The following TMEM132D variants were observed in gnomAD, a reference collection of about 807,000 sequenced individuals.
TMEM132D encodes mature OL transmembrane protein.
A neutral mutation model predicts 62.3 loss-of-function variants in TMEM132D; 21 were observed. The ratio of observed to expected loss-of-function variants is 0.34; its 90% confidence interval spans 0.24 to 0.49. TMEM132D has a LOEUF of 0.49. Ranked by LOEUF, TMEM132D falls within the 20% of genes least tolerant of loss-of-function variation. TMEM132D has a pLI of 0.99. For missense variants in TMEM132D, 1,346 were observed against 1,402.8 expected, an observed-to-expected ratio of 0.96 and a Z score of 0.65; for synonymous variants, 621 against 575.6, an observed-to-expected ratio of 1.08 and a Z score of -1.13.
intron 1 of TMEM132D, among the ~76,000 whole-genome samples, chr12:129,834,302 C>T (rs1872934478): frequency 6.6e-6 from 1 of 152,146 alleles, no homozygotes; most frequent in South Asian, 2.1e-4. Context: ...CGAGACCCAG[C>T]TGCTGCTTAA....
In TMEM132D at chr12:129,484,750, A is replaced by G. The variant is rs375649698; in HGVS notation, c.1115+46309T>C. ...GCTCTCCATGGAAACTTAAAAGATT[A>G]TTAACTAAAATCACACCCAAACACA... On this transcript the variant is annotated intron_variant, in intron 3 of 8. Coordinates refer to ENST00000422113, the MANE Select transcript of TMEM132D (RefSeq NM_133448.3). Among the ~76,000 whole-genome samples the G allele has an allele frequency of 2.4e-3, 368 of 152,362 alleles. 14 individuals are homozygous for G. The South Asian group carries it at 0.071, about 29-fold the overall frequency.
intron 1 of TMEM132D, among the ~76,000 whole-genome samples, chr12:129,720,087 C>T (rs562823104): frequency 6.6e-6 from 1 of 152,238 alleles, no homozygotes; most frequent in African/African-American, 2.4e-5. Flanking sequence ...GTCAGACACA[C>T]AACACACCAT....
intron 2 of TMEM132D, among the ~76,000 whole-genome samples, chr12:129,626,646 G>A (rs1436179748): frequency 6.6e-5 from 10 of 151,940 alleles, no homozygotes; most frequent in Admixed American, 2.0e-4. Context: ...TAGTAGAGAC[G>A]GGGTTTCACC....
chr12:129,308,276 A>G (rs2135632891), intron 4 of TMEM132D, among the ~76,000 whole-genome samples: 1 of 152,250 alleles, frequency 6.6e-6, no homozygotes, highest in South Asian at 2.1e-4. Flanking sequence ...CTACATCCTT[A>G]CTGCTCACTC....
At chr12:129,319,641 C>A (rs1006995033) in intron 4 of TMEM132D, among the ~76,000 whole-genome samples, 1 of 152,168 alleles carries the variant, frequency 6.6e-6, no homozygotes, top group Non-Finnish European at 1.5e-5. Flanking sequence ...CTGTTCAGAG[C>A]AGTCCAGTGT....
intron 5 of TMEM132D, among the ~76,000 whole-genome samples, chr12:129,174,079 T>C (rs1399029767): frequency 6.6e-6 from 1 of 152,216 alleles, no homozygotes; most frequent in Non-Finnish European, 1.5e-5. Context: ...AATTAGGGCA[T>C]CTGAAATAAC....
intron 1 of TMEM132D, among the ~76,000 whole-genome samples, chr12:129,847,063 G>T (rs202123484): frequency 6.6e-6 from 1 of 152,154 alleles, no homozygotes; most frequent in East Asian, 1.9e-4. Context: ...TTGCAAGCAG[G>T]CAATTAGAGT....
rs74627606 is a variant in TMEM132D at position 129,478,065 on chromosome 12, C to T, written c.1115+52994G>A. The stretch of plus-strand genomic sequence containing the variant: ...GTACCACACATTACTGTACTGAATA[C>T]AGTAGGCAACACAATGATAAGTACT... On this transcript the variant is annotated intron_variant, in intron 3 of 8. Transcript: ENST00000422113. Among the ~76,000 whole-genome samples, 629 of 152,264 alleles carry T rather than the reference C, an allele frequency of 4.1e-3. 2 individuals are homozygous for T. The highest frequency in any genetic ancestry group is 0.013 in the African/African-American group (534 of 41,546).
chr12:129,153,522 T>A (rs1172635495), intron 5 of TMEM132D, among the ~76,000 whole-genome samples: 1 of 152,144 alleles, frequency 6.6e-6, no homozygotes, highest in Non-Finnish European at 1.5e-5. Context: ...GAGCAGTACA[T>A]ACTAATTATT....
chr12:129,553,124 C>G (rs897689933), intron 2 of TMEM132D, among the ~76,000 whole-genome samples: 1 of 152,122 alleles, frequency 6.6e-6, no homozygotes, highest in Non-Finnish European at 1.5e-5. Flanking sequence ...TTTGAGACTC[C>G]GAGAGTGTTG....
chr12:129,125,295 C>T (rs1876180642), intron 5 of TMEM132D, among the ~76,000 whole-genome samples: 1 of 152,120 alleles, frequency 6.6e-6, no homozygotes, highest in African/African-American at 2.4e-5. Context: ...AGGAGACATT[C>T]TGGATTCCCT....
At chr12:129,112,622 C>T (rs964180351) in intron 5 of TMEM132D, among the ~76,000 whole-genome samples, 3 of 152,162 alleles carry the variant, frequency 2.0e-5, no homozygotes, top group Non-Finnish European at 2.9e-5. Context: ...AAGATCATGC[C>T]GTTGCACTCC....
At chr12:129,301,603 A>C (rs2135627693) in intron 4 of TMEM132D, among the ~76,000 whole-genome samples, 1 of 152,354 alleles carries the variant, frequency 6.6e-6, no homozygotes, top group South Asian at 2.1e-4. Context: ...CCATAAAGAC[A>C]GTCACAGCAG....
chr12:129,313,813 T>A (rs1868394081), intron 4 of TMEM132D, among the ~76,000 whole-genome samples: 1 of 152,186 alleles, frequency 6.6e-6, no homozygotes, highest in Admixed American at 6.5e-5. Flanking sequence ...CTGTACTAGT[T>A]TACATTCCCA....
At chr12:129,108,732 A>G (rs1875583974) in intron 5 of TMEM132D, among the ~76,000 whole-genome samples, 1 of 152,210 alleles carries the variant, frequency 6.6e-6, no homozygotes, top group African/African-American at 2.4e-5. Flanking sequence ...AATTACTGCC[A>G]TACCCACACA....
chr12:129,589,985 T>A (rs561019143), intron 2 of TMEM132D, among the ~76,000 whole-genome samples: 1 of 152,360 alleles, frequency 6.6e-6, no homozygotes, highest in South Asian at 2.1e-4. Flanking sequence ...ATCTTGTTTC[T>A]ACCCTCTCAA....
At chr12:129,341,476 G>T (rs1184606574) in intron 3 of TMEM132D, among the ~76,000 whole-genome samples, 1 of 152,210 alleles carries the variant, frequency 6.6e-6, no homozygotes, top group East Asian at 1.9e-4. Flanking sequence ...AGTGGAGCCA[G>T]GGTCAAAGGT....
intron 2 of TMEM132D, among the ~76,000 whole-genome samples, chr12:129,623,575 T>C (rs1342407455): frequency 6.6e-6 from 1 of 151,986 alleles, no homozygotes; most frequent in East Asian, 1.9e-4. Context: ...CAGTTCCATC[T>C]AAGTTGCTGC....
At chr12:129,090,776 G>T (rs564303814) in intron 5 of TMEM132D, among the ~76,000 whole-genome samples, 5 of 152,262 alleles carry the variant, frequency 3.3e-5, no homozygotes, top group Admixed American at 6.5e-5. Context: ...TTCTAGCATC[G>T]CTTGAGAATT....
Sources: allele counts gnomAD v4.1 joint callset (sites outside exome capture counted in the v4.1 genomes callset), GRCh38; gene constraint gnomAD v4.1.1; transcripts MANE v1.5; gene names NCBI Gene and HGNC (gene_info 2026-07-23, HGNC 2026-07-21).